RAB2B: variants seen among roughly 807,000 people sequenced by gnomAD.
RAB2B encodes the protein RAB2B, member RAS oncogene family.
A neutral mutation model predicts 29.8 loss-of-function variants in RAB2B; 20 were observed. The observed-to-expected ratio is 0.67, with a 90% CI of 0.47 to 0.97. RAB2B has a LOEUF of 0.97. RAB2B is among the 50% of genes least tolerant of loss of function. The pLI is 0.00. For missense variants in RAB2B, 218 were observed against 272.0 expected (o/e 0.80, Z 1.40); for synonymous variants, 93 against 91.7 (o/e 1.01, Z -0.08).
intron 6 of RAB2B, 49 bp from the exon 7 acceptor site, chr14:21,462,467 A>G: frequency 6.9e-7 from 1 of 1,458,926 alleles, no homozygotes; most frequent in South Asian, 1.2e-5. Flanking sequence ...AGGTAGAGAA[A>G]TGAGGGAAAG....
At chr14:21,467,257 G>A (rs1190560003) in intron 5 of RAB2B, among the ~76,000 whole-genome samples, 1 of 152,056 alleles carries the variant, frequency 6.6e-6, no homozygotes, top group African/African-American at 2.4e-5. Context: ...TGAGGCAGGA[G>A]TGCAGTGGTA....
In RAB2B at chr14:21,469,621, T is replaced by C. The variant is rs370273946; in HGVS notation, c.187-869A>G. ...AGGGAAAACAAAAACATTTTTTAAA[T>C]AATATGAATACCCTGTACATTGAAT... On this transcript the variant is annotated intron_variant, in intron 3 of 7. Coordinates refer to ENST00000397762, the MANE Select transcript of RAB2B (RefSeq NM_032846.4). Among the ~76,000 whole-genome samples, 28 of 152,334 alleles carry C rather than the reference T, an allele frequency of 1.8e-4. No homozygotes were observed. In the South Asian group the frequency reaches 5.4e-3, roughly 29 times the overall value.
intron 3 of RAB2B, chr14:21,474,621 C>A: frequency 2.3e-6 from 1 of 444,014 alleles, no homozygotes; most frequent in Non-Finnish European, 4.0e-6. Context: ...ACTTTCTATT[C>A]TATAAATTTA....
intron 5 of RAB2B, among the ~76,000 whole-genome samples, chr14:21,464,539 C>T (rs1890643185): frequency 1.3e-5 from 2 of 152,112 alleles, no homozygotes; most frequent in African/African-American, 4.8e-5. Flanking sequence ...ATAAGGAAAA[C>T]ACAGTTGTCT....
chr14:21,466,350 G>A (rs931976305), intron 5 of RAB2B, among the ~76,000 whole-genome samples: 1 of 152,198 alleles, frequency 6.6e-6, no homozygotes, highest in Non-Finnish European at 1.5e-5. Flanking sequence ...AACTGGGCTT[G>A]GTGGCACATG....
chr14:21,462,416 G>A lies in RAB2B; in HGVS notation c.477C>T (p.Ala159=). The change falls in exon 7 of 8, where the codon GCC becomes GCT. Residue 159 remains alanine (A), a splice_region_variant and synonymous_variant. Transcript: ENST00000397762. ...SAKTACNVEE[A]FINTAKEIYR... is the part of the protein sequence containing the mutation. Reference sequence around the variant, plus strand: ...ATATTTCTTTGGCTGTGTTAATGAAGGCCTGAAAGAGACATAAATCGTATC... The same window carrying A: ...ATATTTCTTTGGCTGTGTTAATGAAAGCCTGAAAGAGACATAAATCGTATC... 6.2e-7 allele frequency: 1 copy of A among 1,612,572 alleles called. No individual in the cohort carries two copies. The highest frequency in any genetic ancestry group is 8.5e-7 in the Non-Finnish European group (1 of 1,179,128).
At chr14:21,470,492 T>C (rs1890782505) in intron 3 of RAB2B, among the ~76,000 whole-genome samples, 1 of 152,166 alleles carries the variant, frequency 6.6e-6, no homozygotes, top group South Asian at 2.1e-4. Flanking sequence ...GAAGAATCTC[T>C]TTCTATAAGA....
intron 3 of RAB2B, among the ~76,000 whole-genome samples, chr14:21,470,390 T>C (rs572096219): frequency 2.6e-5 from 4 of 152,304 alleles, no homozygotes; most frequent in African/African-American, 9.6e-5. Flanking sequence ...AAACTTGTCC[T>C]CTTAGCCACT....
In RAB2B at chr14:21,476,400, G is replaced by A. The variant is rs1033010599; in HGVS notation, c.118+128C>T. The A allele has an allele frequency of 5.5e-6, 5 of 909,572 alleles. No homozygotes were observed. In the African/African-American group the frequency reaches 8.2e-5, roughly 15 times the overall value. The allele number at this position is 909,572 out of a possible 1,614,324, so 56.3% of individuals were successfully genotyped here. The stretch of plus-strand genomic sequence containing the variant: ...TTCATTGGTCACTTCATTAACATAA[G>A]TTTGGACTAGTTTAAAGTAGTGAGG... On this transcript the variant is annotated intron_variant, in intron 2 of 7. Transcript: ENST00000397762.
Position 21,461,060 on chromosome 14 carries a change from T to C in RAB2B, c.*136A>G. 1 of 644,868 alleles carries C rather than the reference T, an allele frequency of 1.6e-6. No individual in the cohort carries two copies. The allele number at this position is 644,868 out of a possible 1,614,324, so 39.9% of individuals were successfully genotyped here. A position where few individuals can be genotyped will look rare whatever the true frequency, so the allele number is the denominator to read the frequency against. ...GTCAGTAAGGGCCCAAATTCTCTCC[T>C]GGTCTTTAGGTGGAAAGGCAAAACA... On this transcript the variant is annotated 3_prime_UTR_variant, in exon 8 of 8. Coordinates refer to ENST00000397762, the MANE Select transcript of RAB2B (RefSeq NM_032846.4).
At chr14:21,468,523 A>G (rs1291174882) in intron 4 of RAB2B, 74 bp from the exon 5 acceptor site, 1 of 1,415,066 alleles carries the variant, frequency 7.1e-7, no homozygotes, top group African/African-American at 1.4e-5. Context: ...GCGTATACGA[A>G]AAGAGGGGAA....
At position 21,463,827 on chromosome 14, in the gene RAB2B, C is replaced by CT. The variant is rs2139594470; in HGVS notation, c.363-61dup. The stretch of plus-strand genomic sequence containing the variant: ...AAAGATCCAAGTGAAAGAGGAAAGT[C>CT]TATTTCTAAAAGAATTCCGTCGTGG... On this transcript the variant is annotated intron_variant, in intron 5 of 7. Transcript: ENST00000397762. 3 of 1,139,474 alleles carry CT rather than the reference C, an allele frequency of 2.6e-6. No individual in the cohort carries two copies. The East Asian group carries it at 7.0e-5, about 27-fold the overall frequency. The allele number at this position is 1,139,474 out of a possible 1,614,324, so 70.6% of individuals were successfully genotyped here.
Position 21,462,436 on chromosome 14 carries a change from CGT to C in RAB2B, c.475-20_475-19del, listed in dbSNP as rs1185566972. On this transcript the variant is annotated intron_variant, in intron 6 of 7. Coordinates refer to ENST00000397762, the MANE Select transcript of RAB2B (RefSeq NM_032846.4). ...ATGAAGGCCTGAAAGAGACATAAAT[CGT>C]ATCATCAGTCTCAAGTTCAGGTAGA... The C allele has an allele frequency of 2.6e-5, 41 of 1,597,002 alleles. No individual in the cohort carries two copies. Among genetic ancestry groups the C allele is most frequent in the African/African-American group, 5.4e-5 (4 of 74,388 alleles).
chr14:21,467,543 G>C (rs1274381319), intron 5 of RAB2B, among the ~76,000 whole-genome samples: 2 of 152,036 alleles, frequency 1.3e-5, no homozygotes, highest in Non-Finnish European at 2.9e-5. Flanking sequence ...TTGGCCTATG[G>C]GTGTCAAAAA....
chr14:21,466,879 G>A (rs1042020257), intron 5 of RAB2B, among the ~76,000 whole-genome samples: 23 of 151,944 alleles, frequency 1.5e-4, no homozygotes, highest in African/African-American at 5.6e-4. Flanking sequence ...GAGGTCTTTA[G>A]TAAGTAACTG....
chr14:21,461,205 G>T lies in RAB2B; in HGVS notation c.642C>A (p.Gly214=), dbSNP rs1890546651. The T allele has an allele frequency of 6.2e-7, 1 of 1,610,492 alleles. No individual in the cohort carries two copies. Among genetic ancestry groups the T allele is most frequent in the Non-Finnish European group, 8.5e-7 (1 of 1,177,988 alleles). Reference sequence around the variant, plus strand: ...AGTTCAAGCCAGATGTTCAGCAGCAGCCAGAGTTGGACCCTATGTCACGAG... The same window carrying T: ...AGTTCAAGCCAGATGTTCAGCAGCATCCAGAGTTGGACCCTATGTCACGAG... ...RNSRDIGSNS[G]CC Residue 214 remains glycine, a synonymous_variant, in exon 8 of 8, where the codon GGC becomes GGA. Coordinates refer to ENST00000397762, the MANE Select transcript of RAB2B (RefSeq NM_032846.4).
In RAB2B at chr14:21,468,659, A is replaced by C. The variant is rs369654460; in HGVS notation, c.269+11T>G. The C allele has an allele frequency of 3.9e-6, 6 of 1,547,820 alleles. No individual in the cohort carries two copies. Among genetic ancestry groups the C allele is most frequent in the Middle Eastern group, 1.7e-4 (1 of 5,752 alleles). On this transcript the variant is annotated intron_variant, in intron 4 of 7. Transcript: ENST00000397762. ...GAAGAATCTCCCTCCCATGCACCAG[A>C]TCTGGCTCACCTTGTAATGTCGTAC...
intron 6 of RAB2B, among the ~76,000 whole-genome samples, chr14:21,463,345 C>T (rs759370969): frequency 6.7e-5 from 10 of 149,394 alleles, no homozygotes; most frequent in Non-Finnish European, 1.2e-4. Context: ...CTCCTGGGTT[C>T]AAGCAATTCT....
chr14:21,469,213 T>C (rs1890752018), intron 3 of RAB2B, among the ~76,000 whole-genome samples: 1 of 152,290 alleles, frequency 6.6e-6, no homozygotes, highest in Admixed American at 6.5e-5. Context: ...TCCCATTTCT[T>C]TATCTGTAAA....
Sources: gnomAD v4.1 joint callset for allele counts (sites outside exome capture counted in the v4.1 genomes callset) on GRCh38, gnomAD v4.1.1 for gene constraint, MANE v1.5 for transcripts, NCBI Gene and HGNC (gene_info 2026-07-23, HGNC 2026-07-21) for gene names.